PLB1: variants seen among roughly 807,000 people sequenced by gnomAD.
The protein encoded by PLB1 is phospholipase B1.
Under a neutral mutation model 227.4 loss-of-function variants are expected in PLB1, and 242 were observed. The ratio of observed to expected loss-of-function variants is 1.06; its 90% CI spans 0.96 to 1.18. PLB1 has a LOEUF of 1.18. Ranked by LOEUF, PLB1 falls within the 50% of genes most tolerant of loss-of-function variation. The pLI is 0.00. For synonymous variants in PLB1, 757 were observed against 682.2 expected (o/e 1.11, Z -1.71); for missense variants, 1,858 against 1,816.3 (o/e 1.02, Z -0.42).
intron 49 of PLB1, among the ~76,000 whole-genome samples, chr2:28,624,140 A>C (rs915421761): frequency 1.3e-5 from 2 of 152,174 alleles, no homozygotes; most frequent in African/African-American, 4.8e-5. Flanking sequence ...AATCATCACC[A>C]CAATCAAGAT....
chr2:28,598,859 A>G (rs996307585), intron 35 of PLB1, 99 bp downstream of exon 35: 2 of 1,017,556 alleles, frequency 2.0e-6, no homozygotes, highest in African/African-American at 3.2e-5. Flanking sequence ...GCAAAGGGGC[A>G]CTTAGCCACT....
intron 56 of PLB1, among the ~76,000 whole-genome samples, chr2:28,635,748 T>A (rs1237383363): frequency 6.6e-6 from 1 of 152,232 alleles, no homozygotes; most frequent in Admixed American, 6.5e-5. Flanking sequence ...ATTTTCCTCT[T>A]CCTCTGCCTT....
intron 8 of PLB1, 81 bp downstream of exon 8, chr2:28,529,860 C>G (rs6710800): frequency 0.97 from 1,312,788 of 1,359,144 alleles, 634,813 homozygotes; most frequent in East Asian, 1. Flanking sequence ...TGATGACCCT[C>G]GTACCATTTT....
At chr2:28,634,086 A>G (rs1157056979) in intron 56 of PLB1, among the ~76,000 whole-genome samples, 2 of 152,188 alleles carry the variant, frequency 1.3e-5, no homozygotes, top group Non-Finnish European at 2.9e-5. Flanking sequence ...TTTTAAGAAC[A>G]GCATGTAAAC....
chr2:28,543,835 A>G (rs1672844519), intron 14 of PLB1, among the ~76,000 whole-genome samples: 2 of 152,298 alleles, frequency 1.3e-5, no homozygotes, highest in South Asian at 4.1e-4. Flanking sequence ...TAAGCACTCC[A>G]CGTGGATTGG....
intron 14 of PLB1, chr2:28,548,511 T>C (rs1382186330): frequency 4.2e-6 from 2 of 478,406 alleles, no homozygotes; most frequent in East Asian, 1.3e-4. Flanking sequence ...AGCTCTGTCC[T>C]GGCTGGCTGG....
At chr2:28,611,518 A>G (rs1485425466) in intron 43 of PLB1, among the ~76,000 whole-genome samples, 1 of 152,118 alleles carries the variant, frequency 6.6e-6, no homozygotes. Flanking sequence ...CTGACTGGCC[A>G]TGCCATTCTC....
chr2:28,549,275 G>T (rs536854268), intron 15 of PLB1, among the ~76,000 whole-genome samples: 64 of 152,252 alleles, frequency 4.2e-4, no homozygotes, highest in African/African-American at 1.5e-3. Flanking sequence ...GGGAGGGATG[G>T]TGAGTATCTA....
chr2:28,551,072 T>A (rs1233619438), intron 16 of PLB1, among the ~76,000 whole-genome samples: 1 of 152,210 alleles, frequency 6.6e-6, no homozygotes, highest in African/African-American at 2.4e-5. Flanking sequence ...CACCTCCTGT[T>A]CCCAATCTGT....
At chr2:28,503,972 G>A (rs1375796903) in intron 1 of PLB1, among the ~76,000 whole-genome samples, 1 of 152,140 alleles carries the variant, frequency 6.6e-6, no homozygotes, top group Non-Finnish European at 1.5e-5. Flanking sequence ...ATATACCATC[G>A]TCTATATTGT....
chr2:28,581,525 AT>A (rs1216724655), intron 23 of PLB1, among the ~76,000 whole-genome samples: 48 of 145,780 alleles, frequency 3.3e-4, no homozygotes, highest in African/African-American at 1.1e-3. Flanking sequence ...AAATAAATAA[AT>A]AAATAAATAA....
At chr2:28,525,201 C>G (rs891122369) in intron 4 of PLB1, 66 bp from the exon 5 acceptor site, 1 of 1,473,178 alleles carries the variant, frequency 6.8e-7, no homozygotes, top group Non-Finnish European at 9.4e-7. Flanking sequence ...AGGCAGCTTG[C>G]GGTCTAACTA....
At chr2:28,512,964 A>T (rs1486219492) in intron 1 of PLB1, among the ~76,000 whole-genome samples, 1 of 152,176 alleles carries the variant, frequency 6.6e-6, no homozygotes, top group Non-Finnish European at 1.5e-5. Context: ...ATATCTCAGT[A>T]CTTCTTATTT....
chr2:28,599,139 A>T (rs570012890), intron 35 of PLB1, among the ~76,000 whole-genome samples: 27 of 152,368 alleles, frequency 1.8e-4, no homozygotes, highest in African/African-American at 5.1e-4. Flanking sequence ...GGCCAACCAA[A>T]TGGATGGGGC....
At chr2:28,532,680 T>G (rs963175473) in intron 9 of PLB1, among the ~76,000 whole-genome samples, 2 of 152,224 alleles carry the variant, frequency 1.3e-5, no homozygotes, top group Non-Finnish European at 2.9e-5. Context: ...AAAAACTATC[T>G]TGCGTCTTAA....
At chr2:28,594,696 C>G (rs996709445) in intron 33 of PLB1, 1 of 152,320 alleles carries the variant, frequency 6.6e-6, no homozygotes, top group African/African-American at 2.4e-5. Context: ...ACAACGAGGA[C>G]CTAGGTTGTC....
In PLB1 at chr2:28,519,699, C is replaced by G. The variant is rs1390250238; in HGVS notation, c.185-6C>G. ...GACCTTCCTATATGGGTTCTTGTCT[C>G]CACAGTTCACTCTCTGAAGCCTTCT... On this transcript the variant is annotated splice_polypyrimidine_tract_variant and splice_region_variant and intron_variant, in intron 3 of 57. Transcript: ENST00000327757. 1 of 1,605,494 alleles carries G rather than the reference C, an allele frequency of 6.2e-7. No homozygotes were observed. The highest frequency in any genetic ancestry group is 1.1e-5 in the South Asian group (1 of 90,870).
intron 56 of PLB1, among the ~76,000 whole-genome samples, chr2:28,637,058 C>T (rs911110087): frequency 3.9e-5 from 6 of 152,078 alleles, no homozygotes; most frequent in Non-Finnish European, 5.9e-5. Context: ...CTTTGGGAGG[C>T]CGAGGCAGGC....
intron 46 of PLB1, 148 bp from the exon 47 acceptor site, chr2:28,620,117 T>TC (rs5830086): frequency 0.17 from 91,395 of 538,750 alleles, 11,146 homozygotes; most frequent in East Asian, 0.54. Flanking sequence ...TCAAGACCAC[T>TC]CCAAGTTTAA....
Sources: gnomAD v4.1 joint callset for allele counts (sites outside exome capture counted in the v4.1 genomes callset) on GRCh38, gnomAD v4.1.1 for gene constraint, MANE v1.5 for transcripts, NCBI Gene and HGNC (gene_info 2026-07-23, HGNC 2026-07-21) for gene names.